PP2D1: variants seen among roughly 807,000 people sequenced by gnomAD.
PP2D1 encodes protein phosphatase 2C-like domain-containing protein 1.
PP2D1 carries 25 observed loss-of-function variants against 30.2 expected under a neutral mutation model. That is an observed-to-expected ratio of 0.83 (90% CI 0.60 to 1.16). The LOEUF (loss-of-function observed/expected upper bound fraction) is 1.16, where lower values mean the gene tolerates loss of function less well. PP2D1 is among the 50% of genes most tolerant of loss of function. PP2D1 has a pLI of 0.00. For missense variants in PP2D1, 760 were observed against 742.4 expected, an observed-to-expected ratio of 1.02 and a Z score of -0.28; for synonymous variants, 260 against 258.9, an observed-to-expected ratio of 1.00 and a Z score of -0.04.
chr3:19,995,664 A>C (rs1697171778), intron 2 of PP2D1, among the ~76,000 whole-genome samples: 1 of 152,230 alleles, frequency 6.6e-6, no homozygotes, highest in Admixed American at 6.5e-5. Flanking sequence ...AACCAACTCC[A>C]AAATGGCACA....
rs1697028854 is a variant in PP2D1 at position 19,986,055 on chromosome 3, T to C, written c.1218A>G (p.Pro406=). The change falls in exon 3 of 3, where the codon CCA becomes CCG. Residue 406 remains proline, a synonymous_variant. Coordinates refer to ENST00000389050, the MANE Select transcript of PP2D1 (RefSeq NM_001252657.2). The part of the protein sequence containing the change: ...QNGAVISSNE[P]YGLVEGQVKT... ...TTACTTGCCCCTCTACAAGCCCGTA[T>C]GGTTCATTTGAACTAATGACTGCTC... 1.3e-6 allele frequency: 2 copies of C among 1,536,150 alleles called. No homozygotes were observed. The highest frequency in any genetic ancestry group is 1.4e-5 in the African/African-American group (1 of 73,194).
In PP2D1 at chr3:20,001,834, T is replaced by C; in HGVS notation, c.286A>G (p.Met96Val). 1 of 1,535,444 alleles carries C rather than the reference T, an allele frequency of 6.5e-7. No homozygotes were observed. Among genetic ancestry groups the C allele is most frequent in the African/African-American group, 1.4e-5 (1 of 73,072 alleles). Residue 96 changes from methionine (M) to valine (V), a missense_variant, in exon 2 of 3, where the codon ATG becomes GTG. Coordinates refer to ENST00000389050, the MANE Select transcript of PP2D1 (RefSeq NM_001252657.2). Reference protein sequence around the residue: ...VALATLGFQWMGRKKPQPSVI... With the variant: ...VALATLGFQWVGRKKPQPSVI... ...GAGGGCTGTGGTTTCTTTCTACCCATCCATTGGAAACCCAGCGTGGCCAGA... is the reference window on the plus strand; with the variant it reads ...GAGGGCTGTGGTTTCTTTCTACCCACCCATTGGAAACCCAGCGTGGCCAGA...
chr3:20,001,256 T>G lies in PP2D1; in HGVS notation c.864A>C (p.Lys288Asn), dbSNP rs1311684275. 3 of 1,535,978 alleles carry G rather than the reference T, an allele frequency of 2.0e-6. No individual in the cohort carries two copies. The African/African-American group carries it at 4.1e-5, about 21-fold the overall frequency. Residue 288 changes from lysine to asparagine, a missense_variant, in exon 2 of 3, where the codon AAA (lysine) becomes AAC (asparagine). Lys to Asn is a moderately conservative substitution (Grantham distance 94). This residue lies in a region of PP2D1 where 374 missense variants were observed against 388.8 expected (regional missense o/e 0.96). Coordinates refer to ENST00000389050, the MANE Select transcript of PP2D1 (RefSeq NM_001252657.2). Reference protein sequence around the residue: ...EYEDTHKAFAKAFWRMDRLLG... With the variant: ...EYEDTHKAFANAFWRMDRLLG... ...AAAGCCTATCCATTCTCCAAAATGCTTTTGCAAAGGCTTTGTGTGTGTCCT... is the reference window on the plus strand; with the variant it reads ...AAAGCCTATCCATTCTCCAAAATGCGTTTGCAAAGGCTTTGTGTGTGTCCT...
intron 1 of PP2D1, among the ~76,000 whole-genome samples, chr3:20,011,538 C>G (rs1697386318): frequency 6.6e-6 from 1 of 152,052 alleles, no homozygotes; most frequent in African/African-American, 2.4e-5. Flanking sequence ...GTGGCTCATG[C>G]CTATAATCTC....
chr3:20,010,083 A>G (rs1697367287), intron 1 of PP2D1, among the ~76,000 whole-genome samples: 1 of 151,894 alleles, frequency 6.6e-6, no homozygotes, highest in African/African-American at 2.4e-5. Flanking sequence ...CTATATCCCC[A>G]TCCACCTTAT....
intron 1 of PP2D1, among the ~76,000 whole-genome samples, chr3:20,005,637 G>A (rs902528670): frequency 6.6e-6 from 1 of 152,072 alleles, no homozygotes; most frequent in African/African-American, 2.4e-5. Context: ...ATATTCAACA[G>A]TTGAGTATCT....
intron 2 of PP2D1, among the ~76,000 whole-genome samples, chr3:19,995,003 AG>A (rs971955563): frequency 6.6e-6 from 1 of 152,230 alleles, no homozygotes; most frequent in African/African-American, 2.4e-5. Flanking sequence ...GTGAATCATT[AG>A]GTAGCATGCT....
intron 2 of PP2D1, among the ~76,000 whole-genome samples, chr3:19,998,052 G>C (rs1294538215): frequency 6.6e-6 from 1 of 152,044 alleles, no homozygotes; most frequent in Non-Finnish European, 1.5e-5. Flanking sequence ...AAAATAGGCT[G>C]GGCACGGTGG....
At chr3:20,008,725 A>G (rs1697352573) in intron 1 of PP2D1, among the ~76,000 whole-genome samples, 1 of 152,136 alleles carries the variant, frequency 6.6e-6, no homozygotes, top group Non-Finnish European at 1.5e-5. Flanking sequence ...TACTCCACCT[A>G]GGTTACAGAG....
chr3:19,986,211 T>C, intron 2 of PP2D1, 29 bp from the exon 3 acceptor site: 1 of 1,409,500 alleles, frequency 7.1e-7, no homozygotes, highest in Non-Finnish European at 9.3e-7. Context: ...AAAGAAGAAA[T>C]TTTTATCCTA....
chr3:19,984,353 C>A, downstream of PP2D1: 1 of 385,370 alleles, frequency 2.6e-6, no homozygotes, highest in Non-Finnish European at 5.1e-6. Flanking sequence ...AAAATAATCC[C>A]ACATATACAA....
chr3:19,999,102 A>G (rs1697219035), intron 2 of PP2D1, among the ~76,000 whole-genome samples: 1 of 137,604 alleles, frequency 7.3e-6, no homozygotes, highest in Non-Finnish European at 1.6e-5. Flanking sequence ...TTTTTTTGAG[A>G]CAGAGTCCTG....
chr3:20,003,030 G>T (rs1361660969), intron 1 of PP2D1, among the ~76,000 whole-genome samples: 2 of 151,898 alleles, frequency 1.3e-5, no homozygotes, highest in Non-Finnish European at 2.9e-5. Context: ...ACTCCAGCCT[G>T]GGTGACAGAG....
At chr3:19,983,258 C>T (rs1696965768), downstream of PP2D1, among the ~76,000 whole-genome samples, 1 of 150,712 alleles carries the variant, frequency 6.6e-6, no homozygotes, top group Non-Finnish European at 1.5e-5. Flanking sequence ...ATCACTTGAA[C>T]CCAGGAGGTG....
intron 1 of PP2D1, among the ~76,000 whole-genome samples, chr3:20,002,671 A>G (rs1697270729): frequency 6.6e-6 from 1 of 152,008 alleles, no homozygotes; most frequent in Non-Finnish European, 1.5e-5. Context: ...TGTAATCCCA[A>G]CACTTTGGGA....
At chr3:19,982,495 T>C (rs1376369204), downstream of PP2D1, among the ~76,000 whole-genome samples, 1 of 152,194 alleles carries the variant, frequency 6.6e-6, no homozygotes, top group African/African-American at 2.4e-5. Context: ...GCAACTCTTA[T>C]CTATTTCCCC....
chr3:19,986,460 A>C (rs1258415283), intron 2 of PP2D1, among the ~76,000 whole-genome samples: 1 of 152,250 alleles, frequency 6.6e-6, no homozygotes, highest in African/African-American at 2.4e-5. Flanking sequence ...AGTAACTTCT[A>C]AATTTTGAAA....
chr3:19,999,775 A>G (rs1476101704), intron 2 of PP2D1, among the ~76,000 whole-genome samples: 6 of 152,206 alleles, frequency 3.9e-5, no homozygotes, highest in Non-Finnish European at 7.3e-5. Flanking sequence ...ATAATTAATG[A>G]TATCTTCCAT....
At chr3:19,991,406 A>C (rs1389632940) in intron 2 of PP2D1, among the ~76,000 whole-genome samples, 2 of 152,234 alleles carry the variant, frequency 1.3e-5, no homozygotes, top group Non-Finnish European at 2.9e-5. Flanking sequence ...AAGGTGACTT[A>C]GTGTTGATTA....
Sources: allele counts gnomAD v4.1 joint callset (sites outside exome capture counted in the v4.1 genomes callset), GRCh38; gene constraint gnomAD v4.1.1; regional missense constraint gnomAD v4.1.1; transcripts MANE v1.5; gene names NCBI Gene and HGNC (gene_info 2026-07-23, HGNC 2026-07-21).